The following GALNT13 variants were observed in gnomAD, a reference collection of about 807,000 sequenced individuals.
The protein encoded by GALNT13 is polypeptide N-acetylgalactosaminyltransferase 13.
In GALNT13, 28 loss-of-function variants were observed where a neutral mutation model predicts 64.2. The observed-to-expected ratio is 0.44, with a 90% confidence interval of 0.32 to 0.60. The LOEUF (loss-of-function observed/expected upper bound fraction) is 0.60, where lower values mean the gene tolerates loss of function less well. Ranked by LOEUF, GALNT13 falls within the 20% of genes least tolerant of loss-of-function variation. The pLI is 0.05. For missense variants in GALNT13, 577 were observed against 669.8 expected (o/e 0.86, Z 1.53); for synonymous variants, 214 against 224.6 (o/e 0.95, Z 0.42).
chr2:154,211,141 T>G (rs1040909990), intron 4 of GALNT13, among the ~76,000 whole-genome samples: 7 of 151,962 alleles, frequency 4.6e-5, no homozygotes, highest in African/African-American at 1.5e-4. Flanking sequence ...CAGTGGGAAA[T>G]GTGTCCTTAG....
the GALNT13 span, among the ~76,000 whole-genome samples, chr2:153,628,351 G>A: frequency 6.6e-5 from 10 of 151,976 alleles, no homozygotes; most frequent in East Asian, 1.9e-4. Flanking sequence ...TTCTCCTGCC[G>A]AATTGCCCTG....
At chr2:153,722,710 C>T in the GALNT13 span, among the ~76,000 whole-genome samples, 30 of 152,156 alleles carry the variant, frequency 2.0e-4, no homozygotes, top group Admixed American at 1.4e-3. Context: ...CTAGAAGAAA[C>T]GGATACATTC....
At chr2:154,001,619 ATATATCTCTTAAACAATTATGGTAGC>A (rs1157464562) in intron 3 of GALNT13, among the ~76,000 whole-genome samples, 2 of 152,108 alleles carry the variant, frequency 1.3e-5, no homozygotes, top group African/African-American at 4.8e-5. Flanking sequence ...ATTTTATATT[ATATATCTCTTAAACAATTATGGTAGC>A]TATTATAATT....
intron 3 of GALNT13, among the ~76,000 whole-genome samples, chr2:153,994,924 T>G (rs1695418115): frequency 6.6e-6 from 1 of 152,126 alleles, no homozygotes; most frequent in East Asian, 1.9e-4. Flanking sequence ...TTAGTTTAGT[T>G]AGATCCTATA....
intron 11 of GALNT13, among the ~76,000 whole-genome samples, chr2:154,418,326 G>T (rs1247171329): frequency 6.6e-6 from 1 of 152,164 alleles, no homozygotes; most frequent in African/African-American, 2.4e-5. Context: ...AACCCCTGGA[G>T]CCTGTGTTTT....
chr2:153,836,663 C>G, the GALNT13 span, among the ~76,000 whole-genome samples: 1 of 140,450 alleles, frequency 7.1e-6, no homozygotes. Context: ...CCCCCTCCCC[C>G]CTCCCCACAA....
chr2:153,186,966 C>G, the GALNT13 span, among the ~76,000 whole-genome samples: 1 of 152,100 alleles, frequency 6.6e-6, no homozygotes, highest in African/African-American at 2.4e-5. Flanking sequence ...GCTGAATTCC[C>G]TAAGTATTTG....
At chr2:154,282,848 A>G (rs570022386) in intron 8 of GALNT13, among the ~76,000 whole-genome samples, 271 of 152,288 alleles carry the variant, frequency 1.8e-3, no homozygotes, top group African/African-American at 6.1e-3. Flanking sequence ...TCATTACCTC[A>G]GACTTCAACT....
the GALNT13 span, chr2:153,159,521 A>T: frequency 2.6e-4 from 40 of 152,680 alleles, no homozygotes; most frequent in African/African-American, 9.1e-4. Flanking sequence ...TAAGGAGGTA[A>T]AGAATCACCT....
At chr2:153,789,293 T>G in the GALNT13 span, among the ~76,000 whole-genome samples, 3 of 151,952 alleles carry the variant, frequency 2.0e-5, no homozygotes, top group South Asian at 2.1e-4. Context: ...GACTAAAAAA[T>G]TAATCAAAAC....
chr2:154,162,670 TTAGA>T (rs1400703488), intron 4 of GALNT13, among the ~76,000 whole-genome samples: 1 of 152,188 alleles, frequency 6.6e-6, no homozygotes, highest in East Asian at 1.9e-4. Flanking sequence ...AAGAACAGTG[TTAGA>T]TAAAGAGACA....
chr2:154,318,415 C>T (rs933491056), intron 9 of GALNT13, among the ~76,000 whole-genome samples: 49 of 152,204 alleles, frequency 3.2e-4, no homozygotes, highest in African/African-American at 8.7e-4. Context: ...GATGTGGTAG[C>T]TTAAAGAAAT....
chr2:153,381,399 G>A, the GALNT13 span, among the ~76,000 whole-genome samples: 1 of 152,108 alleles, frequency 6.6e-6, no homozygotes, highest in Non-Finnish European at 1.5e-5. Flanking sequence ...AGAGAACCAG[G>A]AATATTGGCG....
chr2:154,395,655 G>A (rs1699022112), intron 9 of GALNT13, among the ~76,000 whole-genome samples: 1 of 151,956 alleles, frequency 6.6e-6, no homozygotes. Context: ...TTTTTATTAA[G>A]GAGAAACAGA....
At chr2:153,856,602 A>G in the GALNT13 span, among the ~76,000 whole-genome samples, 1 of 152,164 alleles carries the variant, frequency 6.6e-6, no homozygotes, top group Non-Finnish European at 1.5e-5. Context: ...GAATGCATAA[A>G]ATCTGAAAAG....
the GALNT13 span, among the ~76,000 whole-genome samples, chr2:153,289,054 T>C: frequency 6.6e-6 from 1 of 152,264 alleles, no homozygotes; most frequent in Non-Finnish European, 1.5e-5. Flanking sequence ...CTTGTAGTTT[T>C]ATTCCTATTA....
At chr2:153,314,590 T>G in the GALNT13 span, among the ~76,000 whole-genome samples, 1 of 152,110 alleles carries the variant, frequency 6.6e-6, no homozygotes, top group Non-Finnish European at 1.5e-5. Context: ...GAGTATATTT[T>G]CTAATAACAA....
At chr2:153,068,430 G>A in the GALNT13 span, among the ~76,000 whole-genome samples, 1 of 152,144 alleles carries the variant, frequency 6.6e-6, no homozygotes, top group African/African-American at 2.4e-5. Flanking sequence ...GATGTTTACT[G>A]AGGTTTTGTG....
Position 154,438,611 on chromosome 2 carries a change from A to G in GALNT13, c.1415A>G (p.Asp472Gly). ...TTTCAGGTATTTTCTTACACTGCTG[A>G]CAAAGAAATCCGAACCGATGACTTG... ...GGNQVFSYTA[D>G]KEIRTDDLCL... is the part of the protein sequence containing the mutation. Residue 472 changes from aspartate to glycine, a missense_variant, in exon 12 of 13, where the codon GAC becomes GGC. Around this residue, in one of 3 missense-constraint regions of GALNT13, gnomAD observed 232 missense variants for 270.6 expected, o/e 0.86. Coordinates refer to ENST00000392825, the MANE Select transcript of GALNT13 (RefSeq NM_052917.4). 1 of 1,612,006 alleles carries G rather than the reference A, an allele frequency of 6.2e-7. No homozygotes were observed. The highest frequency in any genetic ancestry group is 8.5e-7 in the Non-Finnish European group (1 of 1,178,594).
Sources: gnomAD v4.1 joint callset for allele counts (sites outside exome capture counted in the v4.1 genomes callset) on GRCh38, gnomAD v4.1.1 for gene constraint, gnomAD v4.1.1 regional missense constraint, MANE v1.5 for transcripts, NCBI Gene and HGNC (gene_info 2026-07-23, HGNC 2026-07-21) for gene names.